TCN2: variants seen among roughly 807,000 people sequenced by gnomAD.
The protein encoded by TCN2 is transcobalamin-2.
In TCN2, 34 loss-of-function variants were observed where a neutral mutation model predicts 48.6. The ratio of observed to expected loss-of-function variants is 0.70; its 90% CI spans 0.53 to 0.93. The LOEUF (loss-of-function observed/expected upper bound fraction) is 0.93. Among genes scored for constraint, TCN2 ranks in the 40% least tolerant of loss-of-function variants. The pLI, the probability that TCN2 is intolerant of heterozygous loss-of-function variation, is 0.00. For synonymous variants in TCN2, 283 were observed against 212.5 expected (o/e 1.33, Z -2.89); for missense variants, 652 against 526.1 (o/e 1.24, Z -2.34).
At chr22:30,615,196 C>A (rs954352139) in intron 4 of TCN2, 105 bp from the exon 5 acceptor site, 37 of 1,231,678 alleles carry the variant, frequency 3.0e-5, no homozygotes, top group Non-Finnish European at 2.9e-5. Flanking sequence ...TTCTCCAAGC[C>A]CTCCTGTGGT....
At chr22:30,607,454 A>C in intron 1 of TCN2, 59 bp downstream of exon 1, 2 of 1,599,178 alleles carry the variant, frequency 1.3e-6, no homozygotes, top group Non-Finnish European at 1.7e-6. Flanking sequence ...TGGGGTGGCT[A>C]GGGCATAGGA....
intron 3 of TCN2, 72 bp downstream of exon 3, chr22:30,613,114 A>G: frequency 6.3e-7 from 1 of 1,576,664 alleles, no homozygotes; most frequent in Non-Finnish European, 8.6e-7. Flanking sequence ...TCCAATGAGA[A>G]TCAGAACTTT....
rs759922664 is a variant in TCN2 at position 30,614,474 on chromosome 22, C to A, written c.553C>A (p.Pro185Thr). 3.1e-6 allele frequency: 5 copies of A among 1,614,046 alleles called. No homozygotes were observed. Among genetic ancestry groups the A allele is most frequent in the African/African-American group, 1.3e-5 (1 of 74,918 alleles). The stretch of plus-strand genomic sequence containing the variant: ...GGACAAACTTCTGTATGCTGTGGAA[C>A]CTTTCCACCAGGGCCACCATTCTGT... ...VVDKLLYAVE[P>T]FHQGHHSVDT... Residue 185 changes from proline to threonine, a missense_variant, in exon 4 of 9, where the codon CCT (proline) becomes ACT (threonine). Coordinates refer to ENST00000215838, the MANE Select transcript of TCN2 (RefSeq NM_000355.4).
At chr22:30,612,584 AAAG>A (rs2087558146) in intron 2 of TCN2, among the ~76,000 whole-genome samples, 1 of 151,998 alleles carries the variant, frequency 6.6e-6, no homozygotes, top group Non-Finnish European at 1.5e-5. Flanking sequence ...AAAAAATAAA[AAAG>A]GAGGGGGCAT....
chr22:30,626,663 C>T lies in TCN2; in HGVS notation c.*142C>T. The T allele has an allele frequency of 1.1e-6, 1 of 903,046 alleles. No individual in the cohort carries two copies. The highest frequency in any genetic ancestry group is 1.8e-6 in the Non-Finnish European group (1 of 560,690). 55.9% of individuals were successfully genotyped at this position (903,046 alleles called of 1,614,324 possible). ...GCAATGCCCCCTGGGATCACCCCAG[C>T]CACAAGCCCTTCGAGGGCCCTATAC... On this transcript the variant is annotated 3_prime_UTR_variant, in exon 9 of 9. Transcript: ENST00000215838.
chr22:30,617,545 A>G, intron 7 of TCN2, 50 bp downstream of exon 7: 1 of 1,612,678 alleles, frequency 6.2e-7, no homozygotes, highest in South Asian at 1.1e-5. Context: ...CACATGCCTG[A>G]TAACAGGGTC....
At chr22:30,612,765 C>G (rs1602045552) in intron 2 of TCN2, 108 bp from the exon 3 acceptor site, 16 of 1,404,028 alleles carry the variant, frequency 1.1e-5, no homozygotes, top group Non-Finnish European at 1.5e-5. Context: ...ATCAAAGTTT[C>G]CCACTGTTAA....
intron 7 of TCN2, among the ~76,000 whole-genome samples, chr22:30,621,869 C>T (rs186429929): frequency 2.5e-4 from 38 of 152,216 alleles, no homozygotes; most frequent in East Asian, 7.7e-4. Flanking sequence ...AGCTCTGCCC[C>T]GCTCTCCTCC....
chr22:30,617,624 C>G, intron 7 of TCN2, 129 bp downstream of exon 7: 1 of 1,234,386 alleles, frequency 8.1e-7, no homozygotes, highest in South Asian at 1.3e-5. Context: ...CTGCTTCTAC[C>G]TGCTCAGCTC....
Position 30,615,331 on chromosome 22 carries a change from C to T in TCN2, c.611C>T (p.Thr204Ile). Residue 204 changes from threonine (T) to isoleucine (I), a missense_variant, in exon 5 of 9, where the codon ACC (threonine) becomes ATC (isoleucine). Physicochemically the swap from Thr to Ile is moderately conservative, Grantham distance 89. Transcript: ENST00000215838. ...GCAGCCATGGCAGGCTTGGCATTCA[C>T]CTGTCTGAAGCGCTCAAACTTCAAC... ...DTAAMAGLAF[T>I]CLKRSNFNPG... 3.1e-6 allele frequency: 5 copies of T among 1,614,214 alleles called. No individual in the cohort carries two copies. The highest frequency in any genetic ancestry group is 3.4e-6 in the Non-Finnish European group (4 of 1,180,032).
rs1359283321 is a variant in TCN2, at chr22:30,615,483, A to G, written c.753+10A>G. 2 of 1,613,850 alleles carry G rather than the reference A, an allele frequency of 1.2e-6. No individual in the cohort carries two copies. Among genetic ancestry groups the G allele is most frequent in the Non-Finnish European group, 1.7e-6 (2 of 1,179,966 alleles). On this transcript the variant is annotated intron_variant, in intron 5 of 8. Coordinates refer to ENST00000215838, the MANE Select transcript of TCN2 (RefSeq NM_000355.4). ...CCCATTGGCATTACAGGTGGGAAAG[A>G]GACCCTGGAGCCATGGCCACCCTGG...
Position 30,617,393 on chromosome 22 carries a change from A to C in TCN2, c.1004A>C (p.Gln335Pro). The change falls in exon 7 of 9, where the codon CAG becomes CCG. Residue 335 changes from glutamine to proline, a missense_variant. Gln to Pro is a moderately conservative substitution (Grantham distance 76, BLOSUM62 -1). Coordinates refer to ENST00000215838, the MANE Select transcript of TCN2 (RefSeq NM_000355.4). ...QTQEIISVTL[Q>P]VLSLLPPYRQ... is the part of the protein sequence containing the mutation. ...CAAGAGATCATCAGTGTCACGCTGC[A>C]GGTGCTTAGTCTCTTGCCGCCGTAC... The C allele has an allele frequency of 6.2e-7, 1 of 1,614,128 alleles. No individual in the cohort carries two copies. Among genetic ancestry groups the C allele is most frequent in the Non-Finnish European group, 8.5e-7 (1 of 1,180,022 alleles).
intron 8 of TCN2, among the ~76,000 whole-genome samples, chr22:30,623,865 C>CATATATGTATACAT (rs2087749007): frequency 2.0e-5 from 1 of 49,610 alleles, no homozygotes; most frequent in South Asian, 3.9e-4. Flanking sequence ...TACATACACA[C>CATATATGTATACAT]ATATATACAC....
chr22:30,622,081 G>A (rs575475279), intron 7 of TCN2, among the ~76,000 whole-genome samples: 29 of 152,304 alleles, frequency 1.9e-4, no homozygotes, highest in African/African-American at 4.8e-4. Context: ...TCTACGTCCC[G>A]GGTTCAAGCG....
intron 7 of TCN2, 167 bp downstream of exon 7, chr22:30,617,662 A>G (rs1259936679): frequency 4.5e-6 from 4 of 890,282 alleles, no homozygotes; most frequent in African/African-American, 1.7e-5. Flanking sequence ...TTATGGAAAC[A>G]GGGAGCCATA....
intron 2 of TCN2, among the ~76,000 whole-genome samples, chr22:30,611,327 G>C (rs1256970106): frequency 6.6e-6 from 1 of 152,194 alleles, no homozygotes; most frequent in South Asian, 2.1e-4. Context: ...ACTCTTTGAT[G>C]ATGAGCCCAG....
rs1602059616 is a variant in TCN2 at position 30,626,479 on chromosome 22, C to G, written c.1242C>G (p.Pro414=). The part of the protein sequence containing the change: ...PLLQGIADYR[P]KDGETIELRL... ...CTGCAGGTATTGCTGACTACAGACC[C>G]AAGGATGGAGAAACCATTGAGCTGA... The change falls in exon 9 of 9, where the codon CCC becomes CCG. Residue 414 remains proline, a synonymous_variant. Coordinates refer to ENST00000215838, the MANE Select transcript of TCN2 (RefSeq NM_000355.4). The G allele has an allele frequency of 1.2e-6, 2 of 1,614,156 alleles. No individual in the cohort carries two copies. The highest frequency in any genetic ancestry group is 1.7e-6 in the Non-Finnish European group (2 of 1,180,016).
At chr22:30,616,749 C>A (rs946271006) in intron 6 of TCN2, among the ~76,000 whole-genome samples, 1 of 152,094 alleles carries the variant, frequency 6.6e-6, no homozygotes, top group African/African-American at 2.4e-5. Flanking sequence ...TGCAGTGAGC[C>A]GAGATCGCGC....
In TCN2 at chr22:30,607,369, TCCTGGGGGC is replaced by T. The variant is rs1226444825; in HGVS notation, c.42_50del (p.Gly15_Leu17del). On this transcript the variant is annotated inframe_deletion, in exon 1 of 9. Coordinates refer to ENST00000215838, the MANE Select transcript of TCN2 (RefSeq NM_000355.4). ...GGGGCCTTCCTCTTCCTTCTGGGGG[TCCTGGGGGC>T]CCTCACTGAGATGTGTGGTGAGTAA... 2 of 1,614,096 alleles carry T rather than the reference TCCTGGGGGC, an allele frequency of 1.2e-6. No individual in the cohort carries two copies. The highest frequency in any genetic ancestry group is 1.7e-6 in the Non-Finnish European group (2 of 1,180,032).
Sources: allele counts gnomAD v4.1 joint callset (sites outside exome capture counted in the v4.1 genomes callset), GRCh38; gene constraint gnomAD v4.1.1; transcripts MANE v1.5; gene names NCBI Gene and HGNC (gene_info 2026-07-23, HGNC 2026-07-21).